PRKAG2: variants seen among roughly 807,000 people sequenced by gnomAD.
PRKAG2 encodes protein kinase AMP-activated non-catalytic subunit gamma 2.
Under a neutral mutation model 69.6 loss-of-function variants are expected in PRKAG2, and 26 were observed. The ratio of observed to expected loss-of-function variants is 0.37; its 90% CI spans 0.27 to 0.52. The LOEUF (loss-of-function observed/expected upper bound fraction) is 0.52, where lower values mean the gene tolerates loss of function less well. Among genes scored for constraint, PRKAG2 ranks in the 20% least tolerant of loss-of-function variants. The pLI, the probability that PRKAG2 is intolerant of heterozygous loss-of-function variation, is 0.90. For missense variants in PRKAG2, 557 were observed against 740.0 expected, an observed-to-expected ratio of 0.75 and a Z score of 2.87; for synonymous variants, 293 against 285.0, an observed-to-expected ratio of 1.03 and a Z score of -0.28.
chr7:151,576,871 T>A (rs1809073268), intron 6 of PRKAG2, among the ~76,000 whole-genome samples: 1 of 152,218 alleles, frequency 6.6e-6, no homozygotes, highest in South Asian at 2.1e-4. Flanking sequence ...GTAAGTTTGA[T>A]AAGCTAAAAA....
chr7:151,628,746 A>C (rs984433979), intron 5 of PRKAG2, among the ~76,000 whole-genome samples: 1 of 148,932 alleles, frequency 6.7e-6, no homozygotes, highest in Non-Finnish European at 1.5e-5. Flanking sequence ...CTTCTCATAC[A>C]CAAAATCATT....
intron 3 of PRKAG2, among the ~76,000 whole-genome samples, chr7:151,742,682 G>A (rs997578929): frequency 2.0e-5 from 3 of 151,692 alleles, no homozygotes; most frequent in Non-Finnish European, 4.4e-5. Flanking sequence ...AAGCCACCTC[G>A]CAACACAGAC....
intron 5 of PRKAG2, among the ~76,000 whole-genome samples, chr7:151,606,574 T>C (rs1817609552): frequency 6.6e-6 from 1 of 152,066 alleles, no homozygotes; most frequent in Non-Finnish European, 1.5e-5. Flanking sequence ...AATCCCAGCA[T>C]TTTGGGAGGC....
intron 4 of PRKAG2, among the ~76,000 whole-genome samples, chr7:151,644,707 T>C (rs1327964255): frequency 6.6e-6 from 1 of 152,084 alleles, no homozygotes; most frequent in Non-Finnish European, 1.5e-5. Context: ...TACCAAGGAG[T>C]AGAATGGCTG....
chr7:151,818,603 T>C (rs2078700318), intron 1 of PRKAG2, among the ~76,000 whole-genome samples: 1 of 152,208 alleles, frequency 6.6e-6, no homozygotes, highest in Admixed American at 6.5e-5. Flanking sequence ...ATAAAGCCCA[T>C]ATTCTACCCC....
At chr7:151,831,600 C>T (rs2079026619) in intron 1 of PRKAG2, among the ~76,000 whole-genome samples, 1 of 152,216 alleles carries the variant, frequency 6.6e-6, no homozygotes, top group African/African-American at 2.4e-5. Context: ...TGGGCCAATC[C>T]TTACAGCAGG....
intron 5 of PRKAG2, among the ~76,000 whole-genome samples, chr7:151,620,786 T>C (rs1394332508): frequency 8.8e-6 from 1 of 114,282 alleles, no homozygotes; most frequent in African/African-American, 3.2e-5. Context: ...AGCTCCTTAA[T>C]AGATTAAAAA....
intron 1 of PRKAG2, among the ~76,000 whole-genome samples, chr7:151,789,396 C>T (rs1053003479): frequency 6.6e-6 from 1 of 152,196 alleles, no homozygotes; most frequent in African/African-American, 2.4e-5. Context: ...CTTCTCTCCA[C>T]GTCCTTGCCC....
At position 151,564,341 on chromosome 7, in the gene PRKAG2, G is replaced by A. The variant is rs944125649; in HGVS notation, c.1438-117C>T. ...AAACTTTAATGCTTATCTGAATTTAGTACCTGCATACATCAGACGTTCTTT... is the reference window on the plus strand; with the variant it reads ...AAACTTTAATGCTTATCTGAATTTAATACCTGCATACATCAGACGTTCTTT... On this transcript the variant is annotated intron_variant, in intron 13 of 15. Transcript: ENST00000287878. The A allele has an allele frequency of 2.8e-6, 3 of 1,078,884 alleles. No homozygotes were observed. In the Admixed American group the frequency reaches 5.2e-5, roughly 19 times the overall value. 66.8% of individuals were successfully genotyped at this position (1,078,884 alleles called of 1,614,324 possible).
chr7:151,795,876 T>TATATATATATACATATATATATATAC (rs1563689650), intron 1 of PRKAG2, among the ~76,000 whole-genome samples: 1 of 112,840 alleles, frequency 8.9e-6, no homozygotes, highest in African/African-American at 3.7e-5. Flanking sequence ...TATATATATA[T>TATATATATATACATATATATATATAC]ATATATATAT....
chr7:151,830,567 G>A (rs1438564959), intron 1 of PRKAG2, among the ~76,000 whole-genome samples: 4 of 151,958 alleles, frequency 2.6e-5, no homozygotes, highest in Non-Finnish European at 5.9e-5. Flanking sequence ...AGTGTGACCT[G>A]AGAAGATCTC....
chr7:151,669,324 C>G (rs184580952), intron 4 of PRKAG2, among the ~76,000 whole-genome samples: 2 of 152,300 alleles, frequency 1.3e-5, no homozygotes, highest in East Asian at 3.9e-4. Flanking sequence ...CTTCTGCTGT[C>G]GACCCTGCCA....
At chr7:151,855,469 ATG>A (rs2079737048) in intron 1 of PRKAG2, among the ~76,000 whole-genome samples, 2 of 7,896 alleles carry the variant, frequency 2.5e-4, no homozygotes, top group Non-Finnish European at 4.8e-4. Flanking sequence ...CACACACACC[ATG>A]CTCCACACAC....
rs74992704 is a variant in PRKAG2 at position 151,701,526 on chromosome 7, C to T, written c.467-25889G>A. 6.1e-3 allele frequency among the ~76,000 whole-genome samples: 929 copies of T among 152,176 alleles called. 10 individuals are homozygous for T. Among genetic ancestry groups the T allele is most frequent in the African/African-American group, 0.021 (881 of 41,520 alleles). On this transcript the variant is annotated intron_variant, in intron 3 of 15. Transcript: ENST00000287878. The stretch of plus-strand genomic sequence containing the variant: ...AGGGAGATGGAAGCTGAGATTGGAG[C>T]GGTGCATCTTTTTAAGCCAAAGAAT...
intron 6 of PRKAG2, among the ~76,000 whole-genome samples, chr7:151,581,564 C>A (rs112475917): frequency 4.1e-4 from 62 of 151,658 alleles, no homozygotes; most frequent in Middle Eastern, 3.4e-3. Flanking sequence ...ACACAAAAAT[C>A]TCTGGTCAAA....
At chr7:151,659,949 C>T (rs1830069354) in intron 4 of PRKAG2, among the ~76,000 whole-genome samples, 1 of 152,228 alleles carries the variant, frequency 6.6e-6, no homozygotes, top group Non-Finnish European at 1.5e-5. Context: ...GTCCCAGCTA[C>T]TCGGGAGGCC....
intron 1 of PRKAG2, among the ~76,000 whole-genome samples, chr7:151,857,606 A>G (rs985166677): frequency 6.6e-6 from 1 of 152,124 alleles, no homozygotes; most frequent in Non-Finnish European, 1.5e-5. Context: ...ACCCCCTGCC[A>G]ACGGCCTCTG....
chr7:151,807,768 T>C lies in PRKAG2; in HGVS notation c.115-21227A>G, dbSNP rs2151847631. ...GAGAACTCGTGCATCCGAACCCTTC[T>C]CTGACTTGGCGGGTTATTGGATTAG... is the stretch of plus-strand genomic sequence containing the variant. On this transcript the variant is annotated intron_variant, in intron 1 of 15. Transcript: ENST00000287878. The surrounding 1 kb of genome is among the most constrained non-coding windows in gnomAD (Gnocchi z 4.4). 5.4e-6 allele frequency: 2 copies of C among 367,334 alleles called. No homozygotes were observed. The highest frequency in any genetic ancestry group is 4.2e-5 in the African/African-American group (2 of 47,286). 22.8% of individuals were successfully genotyped at this position (367,334 alleles called of 1,614,324 possible).
At chr7:151,651,006 T>C (rs1054386113) in intron 4 of PRKAG2, among the ~76,000 whole-genome samples, 3 of 152,136 alleles carry the variant, frequency 2.0e-5, no homozygotes, top group Non-Finnish European at 4.4e-5. Flanking sequence ...TTTTTCAAAA[T>C]GAATAAACTG....
Sources: allele counts gnomAD v4.1 joint callset (sites outside exome capture counted in the v4.1 genomes callset), GRCh38; gene constraint gnomAD v4.1.1; non-coding constraint Gnocchi (gnomAD v3.1); transcripts MANE v1.5; gene names NCBI Gene and HGNC (gene_info 2026-07-23, HGNC 2026-07-21).